Variants in RCOR3 observed in about 807,000 individuals in gnomAD.
RCOR3 encodes the protein REST corepressor 3.
Under a neutral mutation model 64.1 loss-of-function variants are expected in RCOR3, and 13 were observed. The observed-to-expected ratio is 0.20, with a 90% confidence interval of 0.13 to 0.32. The LOEUF (loss-of-function observed/expected upper bound fraction) is 0.32, where lower values mean the gene tolerates loss of function less well. RCOR3 is among the 10% of genes least tolerant of loss of function. The pLI is 1.00. For synonymous variants in RCOR3, 215 were observed against 239.0 expected, an observed-to-expected ratio of 0.90 and a Z score of 0.93; for missense variants, 489 against 701.2, an observed-to-expected ratio of 0.70 and a Z score of 3.42.
At chr1:211,305,896 T>C (rs547767149) in intron 10 of RCOR3, among the ~76,000 whole-genome samples, 31 of 152,182 alleles carry the variant, frequency 2.0e-4, no homozygotes, top group Non-Finnish European at 3.7e-4. Context: ...ACATTTCCTC[T>C]GTACTGAGGT....
chr1:211,292,869 A>AG (rs1699400437), intron 8 of RCOR3, among the ~76,000 whole-genome samples: 1 of 151,978 alleles, frequency 6.6e-6, no homozygotes, highest in South Asian at 2.1e-4. Context: ...GTGAATCGCG[A>AG]GGTTAGGAGT....
intron 6 of RCOR3, 35 bp from the exon 7 acceptor site, chr1:211,279,201 AAG>A (rs1309043281): frequency 4.5e-6 from 6 of 1,336,928 alleles, no homozygotes; most frequent in East Asian, 2.3e-5. Flanking sequence ...AAAAAAAAAA[AAG>A]GGAATTAAGT....
In RCOR3 at chr1:211,314,827, A is replaced by G. The variant is rs1701784984; in HGVS notation, c.*1059A>G. The G allele has an allele frequency of 6.6e-6, 1 of 152,148 alleles. No individual in the cohort carries two copies. The highest frequency in any genetic ancestry group is 2.1e-4 in the South Asian group (1 of 4,838). 9.4% of individuals were successfully genotyped at this position (152,148 alleles called of 1,614,324 possible). A position where few individuals can be genotyped will look rare whatever the true frequency, so the allele number is the denominator to read the frequency against. On this transcript the variant is annotated 3_prime_UTR_variant, in exon 12 of 12. Coordinates refer to ENST00000419091, the MANE Select transcript of RCOR3 (RefSeq NM_001136223.3). ...GTTTTATTGATAAATCTATTGTACTATTTGGATACATTTGTGTATTCCTTG... is the reference window on the plus strand; with the variant it reads ...GTTTTATTGATAAATCTATTGTACTGTTTGGATACATTTGTGTATTCCTTG...
rs1246332715 is a variant in RCOR3 at position 211,313,648 on chromosome 1, T to C, written c.1542T>C (p.Ile514=). The stretch of plus-strand genomic sequence containing the variant: ...TAAATCAGCCTCCACCACCTCTTAT[T>C]CGCCCTGCTAATTCCATGCCACCCC... ...PTLNQPPPPL[I]RPANSMPPRL... Residue 514 remains isoleucine, a synonymous_variant, in exon 12 of 12, where the codon ATT becomes ATC. Coordinates refer to ENST00000419091, the MANE Select transcript of RCOR3 (RefSeq NM_001136223.3). The surrounding 1 kb of genome is among the most constrained non-coding windows in gnomAD (Gnocchi z 4.7). 1 of 1,614,050 alleles carries C rather than the reference T, an allele frequency of 6.2e-7. No homozygotes were observed. Among genetic ancestry groups the C allele is most frequent in the Non-Finnish European group, 8.5e-7 (1 of 1,180,034 alleles).
chr1:211,282,736 T>G (rs1268610245), intron 7 of RCOR3, among the ~76,000 whole-genome samples: 1 of 152,152 alleles, frequency 6.6e-6, no homozygotes, highest in Non-Finnish European at 1.5e-5. Flanking sequence ...TGACCTCAGG[T>G]GATCCACCTG....
chr1:211,265,174 T>A (rs907692972), intron 2 of RCOR3, among the ~76,000 whole-genome samples: 3 of 152,202 alleles, frequency 2.0e-5, no homozygotes, highest in Non-Finnish European at 4.4e-5. Context: ...TGTCACTGAG[T>A]TTAAATAGTT....
intron 1 of RCOR3, 124 bp from the exon 2 acceptor site, chr1:211,259,984 T>A (rs1264854619): frequency 7.5e-7 from 1 of 1,335,686 alleles, no homozygotes. Flanking sequence ...CGAGTTGATA[T>A]CTTCCCATCC....
chr1:211,297,319 T>TA lies in RCOR3; in HGVS notation c.1017+1567dup, dbSNP rs1699943698. Among the ~76,000 whole-genome samples the TA allele has an allele frequency of 3.9e-5, 6 of 152,222 alleles. No individual in the cohort carries two copies. The South Asian group carries it at 1.2e-3, about 32-fold the overall frequency. On this transcript the variant is annotated intron_variant, in intron 9 of 11. Transcript: ENST00000419091. The stretch of plus-strand genomic sequence containing the variant: ...TGATTTTTATGTAAATCCATACAGA[T>TA]AGGTGAACCAGATACTATTATTTTA...
At chr1:211,269,125 A>G (rs1016192622) in intron 2 of RCOR3, among the ~76,000 whole-genome samples, 1 of 151,926 alleles carries the variant, frequency 6.6e-6, no homozygotes, top group Non-Finnish European at 1.5e-5. Context: ...TATGTCAGTA[A>G]TTTTGGAATT....
intron 5 of RCOR3, among the ~76,000 whole-genome samples, chr1:211,277,861 T>G (rs1697232434): frequency 6.6e-6 from 1 of 152,208 alleles, no homozygotes; most frequent in African/African-American, 2.4e-5. Flanking sequence ...GCTGGGAACT[T>G]CTGGGGACAT....
At chr1:211,259,826 C>A in intron 1 of RCOR3, 100 bp downstream of exon 1, 1 of 1,208,570 alleles carries the variant, frequency 8.3e-7, no homozygotes, top group Non-Finnish European at 1.1e-6. Flanking sequence ...TCCCTCCCCT[C>A]AGAGCCTGGG....
chr1:211,261,138 C>G (rs1435867247), intron 2 of RCOR3: 1 of 152,116 alleles, frequency 6.6e-6, no homozygotes, highest in East Asian at 1.9e-4. Flanking sequence ...TTGCCCAGTG[C>G]CCATAATATT....
At chr1:211,290,069 C>T (rs1002675207) in intron 8 of RCOR3, among the ~76,000 whole-genome samples, 1 of 152,166 alleles carries the variant, frequency 6.6e-6, no homozygotes, top group Non-Finnish European at 1.5e-5. Context: ...CTCAGTTATT[C>T]GTTGCTATTA....
intron 7 of RCOR3, among the ~76,000 whole-genome samples, chr1:211,280,624 C>T (rs976004486): frequency 6.6e-6 from 1 of 152,158 alleles, no homozygotes; most frequent in Non-Finnish European, 1.5e-5. Context: ...ACCAGTTATC[C>T]TTTGTCTTTC....
intron 2 of RCOR3, 78 bp from the exon 3 acceptor site, chr1:211,271,154 G>C (rs1696131137): frequency 7.5e-7 from 1 of 1,327,814 alleles, no homozygotes; most frequent in South Asian, 1.2e-5. Context: ...ACCGTGCCTG[G>C]GCAGCTTACT....
At chr1:211,259,903 C>T (rs1209745266) in intron 1 of RCOR3, 177 bp downstream of exon 1, 3 of 1,108,640 alleles carry the variant, frequency 2.7e-6, no homozygotes, top group Non-Finnish European at 3.7e-6. Context: ...TCCCTCCGCC[C>T]TCGACCAATC....
intron 2 of RCOR3, among the ~76,000 whole-genome samples, chr1:211,260,589 C>T (rs1259804112): frequency 1.3e-5 from 2 of 152,234 alleles, no homozygotes; most frequent in African/African-American, 4.8e-5. Flanking sequence ...GGGCGGGTGG[C>T]AGAGGCCAGG....
chr1:211,277,956 A>G (rs1000745558), intron 5 of RCOR3, among the ~76,000 whole-genome samples, 161 bp from the exon 6 acceptor site: 2 of 152,176 alleles, frequency 1.3e-5, no homozygotes, highest in Non-Finnish European at 1.5e-5. Context: ...TGAAATTGAT[A>G]TGGGATACTG....
rs928455010 is a variant in RCOR3 at position 211,316,086 on chromosome 1, C to G, written c.*2318C>G. 1 of 151,986 alleles carries G rather than the reference C, an allele frequency of 6.6e-6. No individual in the cohort carries two copies. Among genetic ancestry groups the G allele is most frequent in the African/African-American group, 2.4e-5 (1 of 41,368 alleles). The allele number at this position is 151,986 out of a possible 1,614,324, so 9.4% of individuals were successfully genotyped here. On this transcript the variant is annotated 3_prime_UTR_variant, in exon 12 of 12. Transcript: ENST00000419091. ...TTTAGTACCTCTTCACTGTGAAATTCGAAATAATGATTTTTATAAAAGCAA... is the reference window on the plus strand; with the variant it reads ...TTTAGTACCTCTTCACTGTGAAATTGGAAATAATGATTTTTATAAAAGCAA...
Sources: gnomAD v4.1 joint callset for allele counts (sites outside exome capture counted in the v4.1 genomes callset) on GRCh38, gnomAD v4.1.1 for gene constraint, Gnocchi (gnomAD v3.1) non-coding constraint, MANE v1.5 for transcripts, NCBI Gene and HGNC (gene_info 2026-07-23, HGNC 2026-07-21) for gene names.